Variants in PI4K2B observed in about 807,000 individuals in gnomAD.
PI4K2B encodes phosphatidylinositol 4-kinase type 2 beta.
PI4K2B carries 46 observed loss-of-function variants against 56.6 expected under a neutral mutation model. That is an observed-to-expected ratio of 0.81 (90% CI 0.64 to 1.04). The LOEUF (loss-of-function observed/expected upper bound fraction) is 1.04. Ranked by LOEUF, PI4K2B falls within the 50% of genes least tolerant of loss-of-function variation. The pLI is 0.00. For synonymous variants in PI4K2B, 211 were observed against 223.8 expected (o/e 0.94, Z 0.51); for missense variants, 556 against 607.7 (o/e 0.91, Z 0.89).
intron 2 of PI4K2B, among the ~76,000 whole-genome samples, chr4:25,254,607 G>T (rs937576866): frequency 3.3e-5 from 5 of 152,114 alleles, no homozygotes; most frequent in Non-Finnish European, 7.4e-5. Context: ...TAGAGATGGG[G>T]TTTCACCATG....
chr4:25,272,444 A>G (rs1340579930), intron 9 of PI4K2B, among the ~76,000 whole-genome samples: 3 of 152,194 alleles, frequency 2.0e-5, no homozygotes, highest in East Asian at 1.9e-4. Flanking sequence ...AAAAGATAAT[A>G]TGTCCTGACC....
chr4:25,234,083 C>G lies in PI4K2B; in HGVS notation c.-81C>G, dbSNP rs1715118838. On this transcript the variant is annotated 5_prime_UTR_variant, in exon 1 of 10. Transcript: ENST00000264864. ...GGCGTCCGTTCTACCCGGTCGCTCCCGTTCCGCGCCATGCAGAGCCCAGTC... is the reference window on the plus strand; with the variant it reads ...GGCGTCCGTTCTACCCGGTCGCTCCGGTTCCGCGCCATGCAGAGCCCAGTC... The G allele has an allele frequency of 8.6e-7, 1 of 1,166,378 alleles. No homozygotes were observed. The highest frequency in any genetic ancestry group is 1.6e-5 in the African/African-American group (1 of 63,024). The allele number at this position is 1,166,378 out of a possible 1,614,324, so 72.3% of individuals were successfully genotyped here.
chr4:25,254,670 C>T (rs982852809), intron 2 of PI4K2B, among the ~76,000 whole-genome samples: 26 of 152,192 alleles, frequency 1.7e-4, no homozygotes, highest in African/African-American at 5.8e-4. Context: ...GCCTCGGCCT[C>T]CCAAAGTGCT....
intron 7 of PI4K2B, among the ~76,000 whole-genome samples, chr4:25,264,357 T>A (rs1156358641): frequency 6.6e-6 from 1 of 152,204 alleles, no homozygotes; most frequent in Admixed American, 6.5e-5. Context: ...TTTAAATTTA[T>A]GAGTATAGCA....
chr4:25,261,984 A>C (rs1716497077), intron 6 of PI4K2B, among the ~76,000 whole-genome samples: 1 of 152,196 alleles, frequency 6.6e-6, no homozygotes, highest in Non-Finnish European at 1.5e-5. Flanking sequence ...TTAAAATACA[A>C]ACATAAATGC....
chr4:25,246,004 G>A (rs564628727), intron 1 of PI4K2B, among the ~76,000 whole-genome samples: 1 of 152,202 alleles, frequency 6.6e-6, no homozygotes, highest in African/African-American at 2.4e-5. Context: ...CTTAAACGCA[G>A]TGTGTCCGGA....
chr4:25,256,720 A>G, intron 4 of PI4K2B, 46 bp downstream of exon 4: 2 of 1,572,870 alleles, frequency 1.3e-6, no homozygotes, highest in Non-Finnish European at 1.7e-6. Flanking sequence ...TTGGGCACAT[A>G]CATCCTGAGC....
chr4:25,243,475 G>T (rs1715624324), intron 1 of PI4K2B, among the ~76,000 whole-genome samples: 3 of 152,180 alleles, frequency 2.0e-5, no homozygotes, highest in Admixed American at 2.0e-4. Flanking sequence ...CATGACTAAG[G>T]CTGCGGCCTT....
rs1469703471 is a variant in PI4K2B, at chr4:25,268,527, A to G, written c.1163A>G (p.Asp388Gly). The G allele has an allele frequency of 6.3e-7, 1 of 1,599,152 alleles. No homozygotes were observed. The highest frequency in any genetic ancestry group is 1.1e-5 in the South Asian group (1 of 88,492). ...IRNLILPYIS[D>G]MNFVQDLCED... ...AATTTGATTCTACCATATATTTCTGACATGAACTTTGTGCAAGATTTATGT... is the reference window on the plus strand; with the variant it reads ...AATTTGATTCTACCATATATTTCTGGCATGAACTTTGTGCAAGATTTATGT... Residue 388 changes from aspartate to glycine, a missense_variant, in exon 8 of 10, where the codon GAC (aspartate) becomes GGC (glycine). Coordinates refer to ENST00000264864, the MANE Select transcript of PI4K2B (RefSeq NM_018323.4).
At chr4:25,257,940 A>T (rs113322569) in intron 4 of PI4K2B, among the ~76,000 whole-genome samples, 1,578 of 152,308 alleles carry the variant, frequency 0.01, 20 homozygotes, top group African/African-American at 0.035. Flanking sequence ...GTTAGAATAA[A>T]AAGCAGATTT....
rs751658131 is a variant in PI4K2B, at chr4:25,255,246, G to C, written c.605G>C (p.Ser202Thr). 8 of 1,613,960 alleles carry C rather than the reference G, an allele frequency of 5.0e-6. No homozygotes were observed. Among genetic ancestry groups the C allele is most frequent in the Middle Eastern group, 3.3e-4 (2 of 6,062 alleles). The change falls in exon 3 of 10, where the codon AGC (serine) becomes ACC (threonine). Residue 202 changes from serine to threonine, a missense_variant. By Grantham distance (58) the Ser-to-Thr change is moderately conservative (BLOSUM62 1). Coordinates refer to ENST00000264864, the MANE Select transcript of PI4K2B (RefSeq NM_018323.4). ...CTTGTGGACAACAAGCTTCATCTGA[G>C]CATTGTACCTAAAACAAAGGTAAGC... is the stretch of plus-strand genomic sequence containing the variant. ...AYLVDNKLHLSIVPKTKVVWL... is the reference protein window; with the variant it reads ...AYLVDNKLHLTIVPKTKVVWL...
At chr4:25,243,008 T>TGA (rs1267065413) in intron 1 of PI4K2B, among the ~76,000 whole-genome samples, 21 of 152,278 alleles carry the variant, frequency 1.4e-4, no homozygotes. Flanking sequence ...CAATTACAAC[T>TGA]GAGGAGGTGG....
At chr4:25,263,674 ATTAT>A in intron 6 of PI4K2B, 72 bp from the exon 7 acceptor site, 1 of 578,208 alleles carries the variant, frequency 1.7e-6, no homozygotes, top group Non-Finnish European at 3.1e-6. Flanking sequence ...AACCTCAATA[ATTAT>A]TATAAATAAT....
intron 6 of PI4K2B, among the ~76,000 whole-genome samples, chr4:25,262,684 A>G (rs1716522528): frequency 6.6e-6 from 1 of 152,202 alleles, no homozygotes; most frequent in Admixed American, 6.5e-5. Flanking sequence ...TTCTAAGTAA[A>G]GCAATTCCAA....
At chr4:25,236,321 G>A (rs1167117499) in intron 1 of PI4K2B, among the ~76,000 whole-genome samples, 2 of 152,066 alleles carry the variant, frequency 1.3e-5, no homozygotes, top group African/African-American at 4.8e-5. Context: ...AGGCCTAGGT[G>A]GGTGGATCAT....
intron 1 of PI4K2B, among the ~76,000 whole-genome samples, chr4:25,238,902 C>G (rs943200598): frequency 1.3e-5 from 2 of 152,186 alleles, no homozygotes; most frequent in African/African-American, 4.8e-5. Flanking sequence ...CACCCACATC[C>G]TGCTGATTGG....
At chr4:25,272,715 A>G (rs1716946316) in intron 9 of PI4K2B, among the ~76,000 whole-genome samples, 1 of 152,040 alleles carries the variant, frequency 6.6e-6, no homozygotes, top group African/African-American at 2.4e-5. Flanking sequence ...AAAATCAGGT[A>G]TTGGGCCAGG....
intron 1 of PI4K2B, among the ~76,000 whole-genome samples, chr4:25,245,297 C>T (rs530297056): frequency 2.6e-5 from 4 of 152,138 alleles, no homozygotes; most frequent in South Asian, 4.2e-4. Flanking sequence ...TTTTTAGAAG[C>T]GGGACTAACC....
intron 9 of PI4K2B, among the ~76,000 whole-genome samples, chr4:25,274,583 T>C (rs1717029782): frequency 6.6e-6 from 1 of 152,194 alleles, no homozygotes; most frequent in Non-Finnish European, 1.5e-5. Context: ...TTGAGTTCTT[T>C]AAGGGCTTAC....
Sources: gnomAD v4.1 joint callset for allele counts (sites outside exome capture counted in the v4.1 genomes callset) on GRCh38, gnomAD v4.1.1 for gene constraint, MANE v1.5 for transcripts, NCBI Gene and HGNC (gene_info 2026-07-23, HGNC 2026-07-21) for gene names.